APBA2: variants seen among roughly 807,000 people sequenced by gnomAD.
The protein encoded by APBA2 is amyloid beta precursor protein binding family A member 2.
APBA2 carries 30 observed loss-of-function variants against 75.0 expected under a neutral mutation model. The observed-to-expected ratio is 0.40, with a 90% CI of 0.30 to 0.54. APBA2 has a LOEUF of 0.54. APBA2 is among the 20% of genes least tolerant of loss of function. The pLI is 0.49. For synonymous variants in APBA2, 444 were observed against 409.6 expected (o/e 1.08, Z -1.01); for missense variants, 801 against 1,016.1 (o/e 0.79, Z 2.88).
chr15:29,038,037 A>G (rs2040832915), intron 3 of APBA2, among the ~76,000 whole-genome samples: 1 of 152,172 alleles, frequency 6.6e-6, no homozygotes, highest in African/African-American at 2.4e-5. Flanking sequence ...TGCCTTCCCC[A>G]TGGATCCTGG....
chr15:29,054,784 C>T lies in APBA2; in HGVS notation c.900C>T (p.Phe300=). The T allele has an allele frequency of 6.2e-7, 1 of 1,603,410 alleles. No homozygotes were observed. The highest frequency in any genetic ancestry group is 8.5e-7 in the Non-Finnish European group (1 of 1,179,950). ...AKHPGDPQRG[F]KPKTRTPEER... Reference sequence around the variant, plus strand: ...ACCCCGGAGACCCCCAGAGAGGCTTCAAGCCCAAGACCAGGACCCCAGAAG... The same window carrying T: ...ACCCCGGAGACCCCCAGAGAGGCTTTAAGCCCAAGACCAGGACCCCAGAAG... The change falls in exon 4 of 15, where the codon TTC becomes TTT. Residue 300 remains phenylalanine (F), a synonymous_variant. Coordinates refer to ENST00000683413, the MANE Select transcript of APBA2 (RefSeq NM_001353788.2). The surrounding 1 kb of genome is among the most constrained non-coding windows in gnomAD (Gnocchi z 6.1).
rs1182443382 is a variant in APBA2 at position 29,039,104 on chromosome 15, T to A, written c.-40-14741T>A. On this transcript the variant is annotated intron_variant, in intron 3 of 14. Transcript: ENST00000683413. Reference sequence around the variant, plus strand: ...TATTTCAGCTGTATGTCAGGGTGTGTGTGTGTGTGTGTGTGTGTGTGTGTG... The same window carrying A: ...TATTTCAGCTGTATGTCAGGGTGTGAGTGTGTGTGTGTGTGTGTGTGTGTG... Among the ~76,000 whole-genome samples the A allele has an allele frequency of 6.7e-5, 4 of 59,296 alleles. No homozygotes were observed. The African/African-American group carries it at 7.0e-4, about 10-fold the overall frequency. 38.9% of individuals were successfully genotyped at this position (59,296 alleles called of 152,430 possible).
intron 2 of APBA2, among the ~76,000 whole-genome samples, chr15:28,948,109 T>A (rs1474618164): frequency 6.6e-6 from 1 of 152,148 alleles, no homozygotes; most frequent in Non-Finnish European, 1.5e-5. Context: ...TAGAGTCTAC[T>A]GTTTTCAGGG....
intron 2 of APBA2, among the ~76,000 whole-genome samples, chr15:28,960,760 CTTTT>C (rs760299039): frequency 7.3e-6 from 1 of 137,108 alleles, no homozygotes; most frequent in Admixed American, 7.4e-5. Flanking sequence ...ACCCATCATT[CTTTT>C]TTTTTTTTTT....
chr15:29,098,779 C>T (rs1446097823), intron 9 of APBA2, among the ~76,000 whole-genome samples: 2 of 152,156 alleles, frequency 1.3e-5, no homozygotes, highest in African/African-American at 2.4e-5. Context: ...CAGGGCTCTG[C>T]GGGCGGGAGG....
intron 2 of APBA2, among the ~76,000 whole-genome samples, chr15:28,923,605 G>A (rs2034095336): frequency 6.6e-6 from 1 of 152,096 alleles, no homozygotes; most frequent in South Asian, 2.1e-4. Context: ...TCAGCGCTCA[G>A]CAGACAGGTG....
intron 4 of APBA2, among the ~76,000 whole-genome samples, chr15:29,069,894 C>T (rs1391324302): frequency 6.6e-6 from 1 of 152,242 alleles, no homozygotes; most frequent in South Asian, 2.1e-4. Context: ...TGGACACAGC[C>T]ATCCACTGCC....
intron 3 of APBA2, among the ~76,000 whole-genome samples, chr15:29,009,763 C>T (rs141088702): frequency 8.8e-4 from 134 of 152,316 alleles, no homozygotes; most frequent in Admixed American, 9.8e-4. Flanking sequence ...AGTTCATTGA[C>T]TCACTGTTAC....
chr15:29,092,116 T>TG (rs1425006451), intron 6 of APBA2, among the ~76,000 whole-genome samples: 2 of 152,232 alleles, frequency 1.3e-5, no homozygotes, highest in Non-Finnish European at 2.9e-5. Flanking sequence ...AAAGTTTCCT[T>TG]GGCACACAGC....
At chr15:28,933,517 G>T (rs1302491168) in intron 2 of APBA2, among the ~76,000 whole-genome samples, 1 of 152,184 alleles carries the variant, frequency 6.6e-6, no homozygotes, top group Non-Finnish European at 1.5e-5. Flanking sequence ...ACCCTGAATG[G>T]AATAAGACTC....
Position 29,098,508 on chromosome 15 carries a change from C to T in APBA2, c.1270C>T (p.Gln424Ter). ...TTCTTAGAATTCTGAGGGGGATGCCCAGACGCTGACGGAAGTGGACCTCTT... is the reference window on the plus strand; with the variant it reads ...TTCTTAGAATTCTGAGGGGGATGCCTAGACGCTGACGGAAGTGGACCTCTT... Reference protein sequence around the residue: ...KKKANSEGDAQTLTEVDLFIS... With the variant: ...KKKANSEGDA The change falls in exon 9 of 15, where the codon CAG becomes TAG. Residue 424 changes from glutamine (Q) to a stop codon, truncating the protein, a stop_gained. Coordinates refer to ENST00000683413, the MANE Select transcript of APBA2 (RefSeq NM_001353788.2). LOFTEE classifies it high-confidence loss of function. 6.2e-7 allele frequency: 1 copy of T among 1,614,084 alleles called. No homozygotes were observed. Among genetic ancestry groups the T allele is most frequent in the Non-Finnish European group, 8.5e-7 (1 of 1,179,956 alleles).
At position 29,074,737 on chromosome 15, in the gene APBA2, A is replaced by G. The variant is rs2042773129; in HGVS notation, c.952-184A>G. Among the ~76,000 whole-genome samples, 3 of 152,242 alleles carry G rather than the reference A, an allele frequency of 2.0e-5. No homozygotes were observed. In the South Asian group the frequency reaches 6.2e-4, roughly 32 times the overall value. Reference sequence around the variant, plus strand: ...GATTTAAAATAACTTTTTTAGAAGTATGAAAATAGAATATTAAGTGCATAG... The same window carrying G: ...GATTTAAAATAACTTTTTTAGAAGTGTGAAAATAGAATATTAAGTGCATAG... On this transcript the variant is annotated intron_variant, in intron 4 of 14. Transcript: ENST00000683413.
In APBA2 at chr15:29,032,886, G is replaced by C. The variant is rs574613897; in HGVS notation, c.-40-20959G>C. Among the ~76,000 whole-genome samples, 44 of 152,358 alleles carry C rather than the reference G, an allele frequency of 2.9e-4. No homozygotes were observed. In the South Asian group the frequency reaches 8.9e-3, roughly 31 times the overall value. On this transcript the variant is annotated intron_variant, in intron 3 of 14. Transcript: ENST00000683413. ...CCCCTGCTGTGGAAATCACACAGAAGGCGGACAGTACATGTGGACAGGTCA... is the reference window on the plus strand; with the variant it reads ...CCCCTGCTGTGGAAATCACACAGAACGCGGACAGTACATGTGGACAGGTCA...
At chr15:28,909,861 T>C (rs2033346627) in intron 1 of APBA2, among the ~76,000 whole-genome samples, 1 of 152,218 alleles carries the variant, frequency 6.6e-6, no homozygotes, top group Non-Finnish European at 1.5e-5. Flanking sequence ...TGGAAGCTCT[T>C]AGAAGGATCT....
rs72716258 is a variant in APBA2, at chr15:29,069,119, C to T, written c.952-5802C>T. Among the ~76,000 whole-genome samples, 770 of 152,296 alleles carry T rather than the reference C, an allele frequency of 5.1e-3. 4 individuals carry two copies. The highest frequency in any genetic ancestry group is 8.3e-3 in the Non-Finnish European group (563 of 68,030). On this transcript the variant is annotated intron_variant, in intron 4 of 14. Coordinates refer to ENST00000683413, the MANE Select transcript of APBA2 (RefSeq NM_001353788.2). ...TAAAGATAGGATCAGACAATATGTG[C>T]CCTTTAGTGTCTGGCTTATTTCATC...
chr15:29,111,117 C>T (rs1047644359), intron 13 of APBA2, among the ~76,000 whole-genome samples: 4 of 151,800 alleles, frequency 2.6e-5, no homozygotes, highest in East Asian at 3.9e-4. Context: ...ACAACATCTC[C>T]GGGGTGGCAA....
intron 2 of APBA2, among the ~76,000 whole-genome samples, chr15:28,924,082 G>A (rs1418655795): frequency 6.6e-6 from 1 of 152,198 alleles, no homozygotes; most frequent in African/African-American, 2.4e-5. Context: ...TTGCCCTGCT[G>A]TGACAGTGTC....
Position 29,100,057 on chromosome 15 carries a change from C to T in APBA2, c.1338+1481C>T, listed in dbSNP as rs1280609764. On this transcript the variant is annotated intron_variant, in intron 9 of 14. Transcript: ENST00000683413. Reference sequence around the variant, plus strand: ...GGCAGAGGAGCTGGAGAGGAGGGAACAGGTGAGAGACTGGGAAGGCCAAAG... The same window carrying T: ...GGCAGAGGAGCTGGAGAGGAGGGAATAGGTGAGAGACTGGGAAGGCCAAAG... 2.0e-5 allele frequency among the ~76,000 whole-genome samples: 3 copies of T among 152,176 alleles called. No individual in the cohort carries two copies. In the East Asian group the frequency reaches 5.8e-4, roughly 29 times the overall value.
intron 4 of APBA2, among the ~76,000 whole-genome samples, chr15:29,073,072 G>C (rs934109349): frequency 6.6e-6 from 1 of 152,206 alleles, no homozygotes; most frequent in Non-Finnish European, 1.5e-5. Flanking sequence ...ACTACCTGGG[G>C]CACGGCATAT....
Sources: gnomAD v4.1 joint callset for allele counts (sites outside exome capture counted in the v4.1 genomes callset) on GRCh38, gnomAD v4.1.1 for gene constraint, Gnocchi (gnomAD v3.1) non-coding constraint, MANE v1.5 for transcripts, NCBI Gene and HGNC (gene_info 2026-07-23, HGNC 2026-07-21) for gene names.